OCA2: variants seen among roughly 807,000 people sequenced by gnomAD.
OCA2 encodes the protein OCA2 melanosomal transmembrane protein, also known as P protein.
Under a neutral mutation model 100.2 loss-of-function variants are expected in OCA2, and 77 were observed. That is an observed-to-expected ratio of 0.77 (90% CI 0.64 to 0.93). The LOEUF (loss-of-function observed/expected upper bound fraction) is 0.93, where lower values mean the gene tolerates loss of function less well. OCA2 is among the 40% of genes least tolerant of loss of function. OCA2 has a pLI of 0.00. For synonymous variants in OCA2, 432 were observed against 439.2 expected, an observed-to-expected ratio of 0.98 and a Z score of 0.21; for missense variants, 1,062 against 1,089.1, an observed-to-expected ratio of 0.98 and a Z score of 0.35.
At chr15:27,748,274 G>A in the OCA2 span, among the ~76,000 whole-genome samples, 1 of 152,168 alleles carries the variant, frequency 6.6e-6, no homozygotes, top group African/African-American at 2.4e-5. Flanking sequence ...AACTACCTGG[G>A]CTGGGAAATG....
chr15:27,824,602 C>CTCTCTCTCTCTCTCTCTCTCTCTCTA lies in OCA2; in HGVS notation c.2432+20356_2432+20357insTAGAGAGAGAGAGAGAGAGAGAGAGA. Among the ~76,000 whole-genome samples the CTCTCTCTCTCTCTCTCTCTCTCTCTA allele has an allele frequency of 3.9e-3, 186 of 47,540 alleles. 3 individuals carry two copies. The highest frequency in any genetic ancestry group is 4.8e-3 in the Non-Finnish European group (151 of 31,762). The allele number at this position is 47,540 out of a possible 152,430, so 31.2% of individuals were successfully genotyped here. Reference sequence around the variant, plus strand: ...TTTCTCTCTCTCTCTCTCTCTCTCTCTATATATATATATATATATAATATA... The same window carrying CTCTCTCTCTCTCTCTCTCTCTCTCTA: ...TTTCTCTCTCTCTCTCTCTCTCTCTCTCTCTCTCTCTCTCTCTCTCTCTCTATATATATATATATATATATAATATA... On this transcript the variant is annotated intron_variant, in intron 23 of 23. Coordinates refer to ENST00000354638, the MANE Select transcript of OCA2 (RefSeq NM_000275.3).
chr15:27,725,161 G>A, the OCA2 span, among the ~76,000 whole-genome samples: 68 of 152,282 alleles, frequency 4.5e-4, no homozygotes, highest in African/African-American at 1.5e-3. Flanking sequence ...GTGATTCCTC[G>A]AAGGGCCACA....
the OCA2 span, among the ~76,000 whole-genome samples, chr15:27,746,414 T>C: frequency 6.6e-6 from 1 of 152,282 alleles, no homozygotes; most frequent in East Asian, 1.9e-4. Context: ...TGAGCCGAGA[T>C]CGTGCCGCTG....
intron 19 of OCA2, among the ~76,000 whole-genome samples, chr15:27,875,322 C>A (rs2036743414): frequency 6.6e-6 from 1 of 152,286 alleles, no homozygotes; most frequent in Middle Eastern, 3.4e-3. Context: ...ACACATAACA[C>A]ATCGACAGAG....
At chr15:28,053,276 G>A (rs1054092832) in intron 2 of OCA2, among the ~76,000 whole-genome samples, 2 of 152,176 alleles carry the variant, frequency 1.3e-5, no homozygotes, top group Non-Finnish European at 1.5e-5. Context: ...GGGCCATGGA[G>A]GGCACAAGAC....
rs1182660611 is a variant in OCA2 at position 27,756,722 on chromosome 15, T to C, written c.2433-1250A>G. Among the ~76,000 whole-genome samples the C allele has an allele frequency of 5.3e-5, 8 of 151,580 alleles. No individual in the cohort carries two copies. The East Asian group carries it at 1.6e-3, about 30-fold the overall frequency. On this transcript the variant is annotated intron_variant, in intron 23 of 23. Transcript: ENST00000354638. ...TTCCTCTGTGACAGATTGTGTAGAG[T>C]GAGTCAGTGTCAGGTAAGATGCCGA...
At chr15:27,804,101 T>C (rs2033726515) in intron 23 of OCA2, among the ~76,000 whole-genome samples, 1 of 152,116 alleles carries the variant, frequency 6.6e-6, no homozygotes, top group Non-Finnish European at 1.5e-5. Context: ...AACAAGACTG[T>C]TTAAAAAAAT....
At chr15:27,952,457 C>T (rs1035043798) in intron 17 of OCA2, among the ~76,000 whole-genome samples, 4 of 152,134 alleles carry the variant, frequency 2.6e-5, no homozygotes, top group East Asian at 1.9e-4. Flanking sequence ...GGAGACGGCA[C>T]GAGACGGGGC....
intron 18 of OCA2, among the ~76,000 whole-genome samples, chr15:27,943,951 C>A (rs1383715702): frequency 4.6e-5 from 7 of 152,200 alleles, no homozygotes; most frequent in African/African-American, 1.7e-4. Flanking sequence ...GTAACTCAAC[C>A]ACCTTGGGTA....
intron 23 of OCA2, among the ~76,000 whole-genome samples, chr15:27,775,242 A>G (rs8023340): frequency 0.49 from 73,706 of 151,916 alleles, 18,652 homozygotes; most frequent in East Asian, 0.59. Context: ...GCGACCCCAC[A>G]GTTGGCGGCC....
intron 23 of OCA2, among the ~76,000 whole-genome samples, chr15:27,799,572 C>T (rs2033499962): frequency 6.6e-6 from 1 of 151,902 alleles, no homozygotes; most frequent in East Asian, 1.9e-4. Context: ...TCGTGAAATC[C>T]CATCTCTACT....
the OCA2 span, among the ~76,000 whole-genome samples, chr15:27,732,439 G>A: frequency 2.2e-4 from 33 of 152,256 alleles, no homozygotes; most frequent in African/African-American, 7.0e-4. Flanking sequence ...CACAGTGCTC[G>A]CAAAGCCACG....
Position 27,912,001 on chromosome 15 carries a change from G to T in OCA2, c.2079+14126C>A, listed in dbSNP as rs573244461. Among the ~76,000 whole-genome samples the T allele has an allele frequency of 5.3e-5, 8 of 152,164 alleles. No homozygotes were observed. The South Asian group carries it at 6.2e-4, about 12-fold the overall frequency. Reference sequence around the variant, plus strand: ...CTATTTCTCACAAATATATGAGTTAGCAATTCTGTAACTACTTTAGGTGTA... The same window carrying T: ...CTATTTCTCACAAATATATGAGTTATCAATTCTGTAACTACTTTAGGTGTA... On this transcript the variant is annotated intron_variant, in intron 19 of 23. Coordinates refer to ENST00000354638, the MANE Select transcript of OCA2 (RefSeq NM_000275.3).
At chr15:27,884,136 C>T (rs1033273589) in intron 19 of OCA2, among the ~76,000 whole-genome samples, 3 of 152,178 alleles carry the variant, frequency 2.0e-5, no homozygotes, top group African/African-American at 7.2e-5. Flanking sequence ...AATCCCAGCA[C>T]TTTGGGAAGC....
chr15:27,758,808 AC>A (rs1311105075), intron 23 of OCA2, among the ~76,000 whole-genome samples: 1 of 152,196 alleles, frequency 6.6e-6, no homozygotes, highest in African/African-American at 2.4e-5. Flanking sequence ...GACTAAAAAA[AC>A]AAAAGGAACC....
chr15:28,047,700 A>T (rs1328847806), intron 2 of OCA2, among the ~76,000 whole-genome samples: 1 of 152,236 alleles, frequency 6.6e-6, no homozygotes, highest in Non-Finnish European at 1.5e-5. Flanking sequence ...CCCTAAGATC[A>T]GGAACAAATC....
intron 23 of OCA2, among the ~76,000 whole-genome samples, chr15:27,809,682 A>C (rs1178693195): frequency 1.3e-5 from 2 of 152,244 alleles, no homozygotes; most frequent in African/African-American, 4.8e-5. Context: ...CAGGTTACAA[A>C]GTCAATGTAT....
At chr15:28,040,574 T>C (rs1357125614) in intron 2 of OCA2, among the ~76,000 whole-genome samples, 1 of 151,948 alleles carries the variant, frequency 6.6e-6, no homozygotes, top group East Asian at 1.9e-4. Context: ...TTTGAAGAGA[T>C]TAACAAAATT....
downstream of OCA2, among the ~76,000 whole-genome samples, chr15:27,752,365 G>C (rs936678200): frequency 2.6e-5 from 4 of 152,194 alleles, no homozygotes; most frequent in African/African-American, 9.7e-5. Flanking sequence ...AACGACACAG[G>C]ATTTAATAAG....
Sources: allele counts gnomAD v4.1 joint callset (sites outside exome capture counted in the v4.1 genomes callset), GRCh38; gene constraint gnomAD v4.1.1; transcripts MANE v1.5; gene names NCBI Gene and HGNC (gene_info 2026-07-23, HGNC 2026-07-21).